C17orf99: variants seen among roughly 807,000 people sequenced by gnomAD.
C17orf99 encodes protein IL-40.
In C17orf99, 18 loss-of-function variants were observed where a neutral mutation model predicts 22.6. The ratio of observed to expected loss-of-function variants is 0.80; its 90% confidence interval spans 0.55 to 1.18. The LOEUF (loss-of-function observed/expected upper bound fraction) is 1.18, where lower values mean the gene tolerates loss of function less well. Ranked by LOEUF, C17orf99 falls within the 50% of genes most tolerant of loss-of-function variation. The pLI, the probability that C17orf99 is intolerant of heterozygous loss-of-function variation, is 0.00. For missense variants in C17orf99, 328 were observed against 342.7 expected, an observed-to-expected ratio of 0.96 and a Z score of 0.34; for synonymous variants, 147 against 136.6, an observed-to-expected ratio of 1.08 and a Z score of -0.53.
At chr17:78,151,213 T>G (rs975069153) in intron 2 of C17orf99, among the ~76,000 whole-genome samples, 3 of 151,108 alleles carry the variant, frequency 2.0e-5, no homozygotes, top group South Asian at 2.1e-4. Context: ...TCACCTAAGG[T>G]CAGATGTTCC....
intron 2 of C17orf99, among the ~76,000 whole-genome samples, chr17:78,149,667 G>C (rs2075463939): frequency 6.6e-6 from 1 of 152,068 alleles, no homozygotes. Flanking sequence ...CCAAGTACCT[G>C]GGACTACAGG....
intron 2 of C17orf99, among the ~76,000 whole-genome samples, chr17:78,149,668 G>C (rs2075463957): frequency 6.6e-6 from 1 of 152,000 alleles, no homozygotes; most frequent in Admixed American, 6.6e-5. Flanking sequence ...CAAGTACCTG[G>C]GACTACAGGC....
intron 2 of C17orf99, chr17:78,160,700 T>G: frequency 2.0e-6 from 1 of 491,710 alleles, no homozygotes; most frequent in Non-Finnish European, 3.7e-6. Flanking sequence ...TCTCCTGCCT[T>G]AGCTTCCCGA....
rs555959492 is a variant in C17orf99 at position 78,146,815 on chromosome 17, G to A, written c.38-64G>A. On this transcript the variant is annotated intron_variant, in intron 1 of 4. Coordinates refer to ENST00000340363, the MANE Select transcript of C17orf99 (RefSeq NM_001163075.2). The surrounding 1 kb of genome is among the most constrained non-coding windows in gnomAD (Gnocchi z 5.2). ...CTCCTGGCTTCAGCAGGTGGGTCTC[G>A]AGGCTGTCTCTGGTCTCCCCTCCAC... 10 of 1,498,702 alleles carry A rather than the reference G, an allele frequency of 6.7e-6. No individual in the cohort carries two copies. The highest frequency in any genetic ancestry group is 2.0e-5 in the Admixed American group (1 of 50,654). 92.8% of individuals were successfully genotyped at this position (1,498,702 alleles called of 1,614,324 possible).
Position 78,157,776 on chromosome 17 carries a change from G to A in C17orf99, c.71-3179G>A, listed in dbSNP as rs574152831. On this transcript the variant is annotated intron_variant, in intron 2 of 4. Coordinates refer to ENST00000340363, the MANE Select transcript of C17orf99 (RefSeq NM_001163075.2). The stretch of plus-strand genomic sequence containing the variant: ...TGTGCCACTGCACTCCAGCCTGGGC[G>A]ACAGAGCGTGACTCTGTCTCGGAAA... 7.6e-4 allele frequency: 471 copies of A among 615,808 alleles called. 3 individuals are homozygous for A. Among genetic ancestry groups the A allele is most frequent in the Non-Finnish European group, 1.1e-3 (446 of 389,332 alleles). The allele number at this position is 615,808 out of a possible 1,614,324, so 38.1% of individuals were successfully genotyped here.
Sources: allele counts gnomAD v4.1 joint callset (sites outside exome capture counted in the v4.1 genomes callset), GRCh38; gene constraint gnomAD v4.1.1; non-coding constraint Gnocchi (gnomAD v3.1); transcripts MANE v1.5; gene names NCBI Gene and HGNC (gene_info 2026-07-23, HGNC 2026-07-21).